SH3PXD2B: variants seen among roughly 807,000 people sequenced by gnomAD.
The protein encoded by SH3PXD2B is SH3 and PX domains 2B, also known as SH3 and PX domain-containing protein 2B.
A neutral mutation model predicts 73.1 loss-of-function variants in SH3PXD2B; 37 were observed. The observed-to-expected ratio is 0.51, with a 90% CI of 0.39 to 0.67. The LOEUF (loss-of-function observed/expected upper bound fraction) is 0.67, where lower values mean the gene tolerates loss of function less well. Among genes scored for constraint, SH3PXD2B ranks in the 30% least tolerant of loss-of-function variants. The pLI is 0.00. For missense variants in SH3PXD2B, 1,053 were observed against 1,197.8 expected (o/e 0.88, Z 1.78); for synonymous variants, 457 against 480.5 (o/e 0.95, Z 0.64).
chr5:172,344,116 T>TCA, intron 12 of SH3PXD2B, among the ~76,000 whole-genome samples: 1 of 152,098 alleles, frequency 6.6e-6, no homozygotes, highest in African/African-American at 2.4e-5. Flanking sequence ...ATCATCATCA[T>TCA]TATCATAACA....
At chr5:172,347,926 G>A (rs1023282356) in intron 10 of SH3PXD2B, among the ~76,000 whole-genome samples, 60 of 152,266 alleles carry the variant, frequency 3.9e-4, no homozygotes, top group South Asian at 8.3e-4. Flanking sequence ...TTATACTCTC[G>A]AGGCAGCTGC....
At chr5:172,434,785 T>G (rs1473149490) in intron 1 of SH3PXD2B, among the ~76,000 whole-genome samples, 2 of 149,896 alleles carry the variant, frequency 1.3e-5, no homozygotes, top group East Asian at 1.9e-4. Context: ...GCCAATGGTT[T>G]TTTTTTTTTT....
intron 2 of SH3PXD2B, among the ~76,000 whole-genome samples, chr5:172,409,194 T>A (rs1561927652): frequency 6.6e-6 from 1 of 151,960 alleles, no homozygotes; most frequent in Non-Finnish European, 1.5e-5. Context: ...CCAGCCTGAC[T>A]AACAGTGAAA....
At chr5:172,434,782 G>GTTTTTTTTTTTT (rs71577589) in intron 1 of SH3PXD2B, among the ~76,000 whole-genome samples, 2 of 66,350 alleles carry the variant, frequency 3.0e-5, no homozygotes, top group African/African-American at 9.2e-5. Flanking sequence ...ATGGCCAATG[G>GTTTTTTTTTTTT]TTTTTTTTTT....
At chr5:172,439,841 G>A (rs1041153440) in intron 1 of SH3PXD2B, among the ~76,000 whole-genome samples, 3 of 142,760 alleles carry the variant, frequency 2.1e-5, no homozygotes, top group African/African-American at 5.3e-5. Flanking sequence ...TCTTGCCGAC[G>A]ACTGAGACAC....
chr5:172,373,618 A>ATCCC (rs894372888), intron 6 of SH3PXD2B, among the ~76,000 whole-genome samples, 172 bp downstream of exon 6: 1 of 151,670 alleles, frequency 6.6e-6, no homozygotes, highest in African/African-American at 2.4e-5. Flanking sequence ...CCATCCATCC[A>ATCCC]TCCCTCCACC....
intron 2 of SH3PXD2B, among the ~76,000 whole-genome samples, chr5:172,410,398 C>G (rs1033134570): frequency 6.6e-6 from 1 of 152,264 alleles, no homozygotes; most frequent in East Asian, 1.9e-4. Context: ...CATTCAGAGA[C>G]AGGTGAGGCC....
chr5:172,437,423 G>A lies in SH3PXD2B; in HGVS notation c.76-14927C>T, dbSNP rs140010594. Reference sequence around the variant, plus strand: ...CAGCATCACCACCAGAAGTGCTGAAGGGGGAGAGGAGGAAACCGAGGCACA... The same window carrying A: ...CAGCATCACCACCAGAAGTGCTGAAAGGGGAGAGGAGGAAACCGAGGCACA... On this transcript the variant is annotated intron_variant, in intron 1 of 12. Transcript: ENST00000311601. 2.2e-3 allele frequency among the ~76,000 whole-genome samples: 338 copies of A among 152,334 alleles called. 2 individuals carry two copies. The highest frequency in any genetic ancestry group is 7.7e-3 in the African/African-American group (319 of 41,574).
chr5:172,381,406 G>A (rs1378391833), intron 5 of SH3PXD2B, among the ~76,000 whole-genome samples: 1 of 152,196 alleles, frequency 6.6e-6, no homozygotes, highest in Non-Finnish European at 1.5e-5. Context: ...AAGCACCCGG[G>A]CCGGCCAGAG....
intron 6 of SH3PXD2B, among the ~76,000 whole-genome samples, chr5:172,367,594 C>T (rs1757558820): frequency 2.0e-5 from 3 of 152,126 alleles, no homozygotes; most frequent in South Asian, 2.1e-4. Flanking sequence ...TTACTTATCC[C>T]CCATCCTCTA....
chr5:172,404,437 G>A (rs1488418456), intron 3 of SH3PXD2B, among the ~76,000 whole-genome samples: 1 of 152,070 alleles, frequency 6.6e-6, no homozygotes, highest in Non-Finnish European at 1.5e-5. Context: ...GATTATAGGT[G>A]CCCGCCACCA....
rs74355030 is a variant in SH3PXD2B, at chr5:172,451,763, T to C, written c.75+2515A>G. Among the ~76,000 whole-genome samples, 1,115 of 152,262 alleles carry C rather than the reference T, an allele frequency of 7.3e-3. 18 individuals carry two copies. The highest frequency in any genetic ancestry group is 0.025 in the African/African-American group (1,049 of 41,550). On this transcript the variant is annotated intron_variant, in intron 1 of 12. Coordinates refer to ENST00000311601, the MANE Select transcript of SH3PXD2B (RefSeq NM_001017995.3). ...TGCCTTCATGCCCGCTCTTTCCAGA[T>C]TGTGTGAGGGGTTGGGGTGGAGCTT...
intron 5 of SH3PXD2B, among the ~76,000 whole-genome samples, chr5:172,374,812 G>A (rs1043934638): frequency 9.2e-5 from 14 of 152,220 alleles, no homozygotes; most frequent in African/African-American, 4.8e-5. Context: ...TGTGGCAACA[G>A]TAGCATTAGC....
At chr5:172,362,395 A>T (rs1329311192) in intron 7 of SH3PXD2B, among the ~76,000 whole-genome samples, 1 of 152,202 alleles carries the variant, frequency 6.6e-6, no homozygotes, top group Admixed American at 6.5e-5. Flanking sequence ...GCCTTCTCGG[A>T]GACTCCCATG....
intron 2 of SH3PXD2B, among the ~76,000 whole-genome samples, chr5:172,411,746 T>C (rs1430124866): frequency 1.3e-5 from 2 of 151,976 alleles, no homozygotes; most frequent in African/African-American, 4.8e-5. Context: ...ATTGAATATG[T>C]TATTTTGAAA....
At chr5:172,419,354 A>T (rs1457190800) in intron 2 of SH3PXD2B, among the ~76,000 whole-genome samples, 1 of 151,672 alleles carries the variant, frequency 6.6e-6, no homozygotes, top group Non-Finnish European at 1.5e-5. Flanking sequence ...TCTCTTCCAG[A>T]TGACTCTACG....
At chr5:172,441,586 A>G (rs1217926545) in intron 1 of SH3PXD2B, among the ~76,000 whole-genome samples, 1 of 152,200 alleles carries the variant, frequency 6.6e-6, no homozygotes, top group Non-Finnish European at 1.5e-5. Context: ...TGTACGTGTC[A>G]TGATAGGATT....
rs1756633817 is a variant in SH3PXD2B, at chr5:172,334,224, G to A, written c.*4145C>T. 9.2e-7 allele frequency: 1 copy of A among 1,086,646 alleles called. No homozygotes were observed. Among genetic ancestry groups the A allele is most frequent in the African/African-American group, 1.7e-5 (1 of 57,998 alleles). The allele number at this position is 1,086,646 out of a possible 1,614,324, so 67.3% of individuals were successfully genotyped here. On this transcript the variant is annotated 3_prime_UTR_variant, in exon 13 of 13. Transcript: ENST00000311601. ...ACCAGATGCCACCCCACGGAGCTGG[G>A]CAGTCCAGTCTGTAGAAAGGTGCTC...
intron 4 of SH3PXD2B, among the ~76,000 whole-genome samples, chr5:172,383,843 T>C (rs1011630291): frequency 1.5e-5 from 2 of 131,666 alleles, no homozygotes; most frequent in Non-Finnish European, 3.3e-5. Context: ...GCATTTCCTT[T>C]CTTTCTTTCT....
Sources: gnomAD v4.1 joint callset for allele counts (sites outside exome capture counted in the v4.1 genomes callset) on GRCh38, gnomAD v4.1.1 for gene constraint, MANE v1.5 for transcripts, NCBI Gene and HGNC (gene_info 2026-07-23, HGNC 2026-07-21) for gene names.